The following SLC5A10 variants were observed in gnomAD, a reference collection of about 807,000 sequenced individuals.
The protein encoded by SLC5A10 is solute carrier family 5 member 10.
In SLC5A10, 55 loss-of-function variants were observed where a neutral mutation model predicts 68.9. The ratio of observed to expected loss-of-function variants is 0.80; its 90% CI spans 0.64 to 1.00. The LOEUF (loss-of-function observed/expected upper bound fraction) is 1.00, where lower values mean the gene tolerates loss of function less well. Among genes scored for constraint, SLC5A10 ranks in the 50% least tolerant of loss-of-function variants. The probability of loss-of-function intolerance (pLI) is 0.00; values close to 1 mark genes in which losing one functional copy is unlikely to be tolerated. For missense variants in SLC5A10, 732 were observed against 819.3 expected (o/e 0.89, Z 1.30); for synonymous variants, 344 against 344.8 (o/e 1.00, Z 0.02).
At position 19,015,204 on chromosome 17, in the gene SLC5A10, G is replaced by GGGGGTGGGGGCCGGTACA. The variant is rs2044113209; in HGVS notation, c.1241+17_1241+18insGGTACAGGGGTGGGGGCC. Reference sequence around the variant, plus strand: ...GGAGCTCCTGCTGGTGGGACGGTACGGGGGTGGGGGCCAGTACGGGGGTGG... The same window carrying GGGGGTGGGGGCCGGTACA: ...GGAGCTCCTGCTGGTGGGACGGTACGGGGGTGGGGGCCGGTACAGGGGTGGGGGCCAGTACGGGGGTGG... On this transcript the variant is annotated splice_donor_region_variant and intron_variant, in intron 11 of 14. Coordinates refer to ENST00000395645, the MANE Select transcript of SLC5A10 (RefSeq NM_001042450.4). The GGGGGTGGGGGCCGGTACA allele has an allele frequency of 1.3e-6, 2 of 1,491,946 alleles. No homozygotes were observed. The highest frequency in any genetic ancestry group is 2.3e-5 in the South Asian group (2 of 85,964). 92.4% of individuals were successfully genotyped at this position (1,491,946 alleles called of 1,614,324 possible). A position where few individuals can be genotyped will look rare whatever the true frequency, so the allele number is the denominator to read the frequency against.
chr17:18,975,263 C>T (rs1597841845), intron 8 of SLC5A10, among the ~76,000 whole-genome samples: 1 of 152,360 alleles, frequency 6.6e-6, no homozygotes, highest in Non-Finnish European at 1.5e-5. Context: ...AGGACAGCAG[C>T]TTGCCCTGCG....
intron 9 of SLC5A10, among the ~76,000 whole-genome samples, chr17:18,999,404 T>G (rs1271706777): frequency 6.6e-6 from 1 of 152,148 alleles, no homozygotes; most frequent in Non-Finnish European, 1.5e-5. Flanking sequence ...CTCCAGGGAA[T>G]GGGAGGGTGC....
At chr17:18,965,267 C>T (rs1183390544) in intron 5 of SLC5A10, among the ~76,000 whole-genome samples, 2 of 151,802 alleles carry the variant, frequency 1.3e-5, no homozygotes, top group East Asian at 1.9e-4. Flanking sequence ...GGGTCAGAGG[C>T]GGGGAGTGTG....
chr17:18,979,374 C>T (rs2043071352), intron 9 of SLC5A10: 7 of 775,114 alleles, frequency 9.0e-6, no homozygotes, highest in Non-Finnish European at 4.0e-6. Context: ...CAGACAAAGC[C>T]CTTCTCTGCC....
chr17:19,008,099 T>C (rs909335077), intron 9 of SLC5A10, among the ~76,000 whole-genome samples: 2 of 152,192 alleles, frequency 1.3e-5, no homozygotes, highest in African/African-American at 4.8e-5. Context: ...TAGTCCTAGA[T>C]CTGTAGCAAG....
chr17:18,976,826 C>T (rs2042991797), intron 8 of SLC5A10, 28 bp from the exon 9 acceptor site: 1 of 1,610,922 alleles, frequency 6.2e-7, no homozygotes. Context: ...CAGGCTTGGA[C>T]TCACCCCGTC....
At chr17:18,951,661 C>T (rs2042370251), upstream of SLC5A10, 1 of 152,810 alleles carries the variant, frequency 6.5e-6, no homozygotes. Flanking sequence ...ATGGGGCTGC[C>T]TCTGAGCCTG....
intron 5 of SLC5A10, among the ~76,000 whole-genome samples, chr17:18,962,567 C>A (rs1043881663): frequency 2.6e-5 from 4 of 152,044 alleles, no homozygotes; most frequent in Non-Finnish European, 4.4e-5. Context: ...CAGGGTCTGG[C>A]CTGCAGTGAG....
chr17:18,978,974 G>T, intron 9 of SLC5A10: 1 of 1,102,950 alleles, frequency 9.1e-7, no homozygotes, highest in Non-Finnish European at 1.3e-6. Context: ...AGAAGTGAAT[G>T]GGGGCAGAGA....
intron 9 of SLC5A10, chr17:18,978,616 T>G (rs1295511520): frequency 6.2e-7 from 1 of 1,612,846 alleles, no homozygotes; most frequent in Non-Finnish European, 8.5e-7. Flanking sequence ...CCTTGACAAG[T>G]GCGTACTTGG....
chr17:19,020,117 C>CAA, intron 13 of SLC5A10, 38 bp from the exon 14 acceptor site: 6 of 702,512 alleles, frequency 8.5e-6, no homozygotes, highest in South Asian at 1.4e-5. Flanking sequence ...ACCCTGCCAT[C>CAA]CCCCACCCCC....
At chr17:18,956,344 T>G (rs1335546321) in intron 1 of SLC5A10, among the ~76,000 whole-genome samples, 1 of 151,932 alleles carries the variant, frequency 6.6e-6, no homozygotes, top group East Asian at 1.9e-4. Flanking sequence ...ACCTGCATAT[T>G]GATGGATATA....
At chr17:18,982,182 G>A (rs868289222) in intron 9 of SLC5A10, among the ~76,000 whole-genome samples, 3 of 152,210 alleles carry the variant, frequency 2.0e-5, no homozygotes, top group East Asian at 1.9e-4. Flanking sequence ...AGCAAGTCCC[G>A]GGCCCTTGCT....
chr17:18,991,366 T>TG (rs1428413583), intron 9 of SLC5A10, among the ~76,000 whole-genome samples: 1 of 152,224 alleles, frequency 6.6e-6, no homozygotes, highest in African/African-American at 2.4e-5. Context: ...AATGGGGGTG[T>TG]GGGCCTGGCT....
In SLC5A10 at chr17:19,020,545, G is replaced by A; in HGVS notation, c.*114G>A. 2 of 994,418 alleles carry A rather than the reference G, an allele frequency of 2.0e-6. No individual in the cohort carries two copies. The highest frequency in any genetic ancestry group is 3.0e-6 in the Non-Finnish European group (2 of 677,674). 61.6% of individuals were successfully genotyped at this position (994,418 alleles called of 1,614,324 possible). ...AGATTCCCCTCACAGCTGCACAGCAGCTCGGTGCCCAAGAACTGGCCAAGC... is the reference window on the plus strand; with the variant it reads ...AGATTCCCCTCACAGCTGCACAGCAACTCGGTGCCCAAGAACTGGCCAAGC... On this transcript the variant is annotated 3_prime_UTR_variant, in exon 15 of 15. Coordinates refer to ENST00000395645, the MANE Select transcript of SLC5A10 (RefSeq NM_001042450.4).
intron 9 of SLC5A10, among the ~76,000 whole-genome samples, chr17:18,986,953 TGG>T (rs1276338238): frequency 6.6e-6 from 1 of 152,044 alleles, no homozygotes; most frequent in East Asian, 1.9e-4. Flanking sequence ...GGGAGTGAGG[TGG>T]GTGTGGGGCT....
chr17:18,976,611 G>C (rs752188878), intron 8 of SLC5A10: 5 of 531,910 alleles, frequency 9.4e-6, no homozygotes, highest in Non-Finnish European at 1.3e-5. Flanking sequence ...CCTATTGACA[G>C]GTCAGGGGAC....
chr17:18,954,651 G>A (rs755587071), intron 1 of SLC5A10, among the ~76,000 whole-genome samples: 8 of 152,348 alleles, frequency 5.3e-5, no homozygotes, highest in South Asian at 2.1e-4. Context: ...AGAGTCTGGC[G>A]GGGGCCGGGG....
At chr17:18,965,045 G>A (rs560586818) in intron 5 of SLC5A10, among the ~76,000 whole-genome samples, 29 of 151,494 alleles carry the variant, frequency 1.9e-4, no homozygotes, top group African/African-American at 7.3e-5. Flanking sequence ...TCGGAAGGCT[G>A]AGGCAGGAAA....
Sources: gnomAD v4.1 joint callset for allele counts (sites outside exome capture counted in the v4.1 genomes callset) on GRCh38, gnomAD v4.1.1 for gene constraint, MANE v1.5 for transcripts, NCBI Gene and HGNC (gene_info 2026-07-23, HGNC 2026-07-21) for gene names.